The following ZBTB20 variants were observed in gnomAD, a reference collection of about 807,000 sequenced individuals.
The protein encoded by ZBTB20 is zinc finger and BTB domain containing 20.
A neutral mutation model predicts 56.9 loss-of-function variants in ZBTB20; 9 were observed. The ratio of observed to expected loss-of-function variants is 0.16; its 90% CI spans 0.10 to 0.28. ZBTB20 has a LOEUF of 0.28. Ranked by LOEUF, ZBTB20 falls within the 10% of genes least tolerant of loss-of-function variation. The pLI, the probability that ZBTB20 is intolerant of heterozygous loss-of-function variation, is 1.00. For missense variants in ZBTB20, 655 were observed against 1,003.0 expected, an observed-to-expected ratio of 0.65 and a Z score of 4.69; for synonymous variants, 417 against 420.7, an observed-to-expected ratio of 0.99 and a Z score of 0.11.
chr3:114,641,361 CAA>C (rs1464825670), intron 6 of ZBTB20, among the ~76,000 whole-genome samples: 1 of 151,776 alleles, frequency 6.6e-6, no homozygotes, highest in Non-Finnish European at 1.5e-5. Context: ...ACACCAAGGC[CAA>C]AGACTAAAAG....
At chr3:114,810,167 T>G (rs953090434) in intron 4 of ZBTB20, among the ~76,000 whole-genome samples, 2 of 152,210 alleles carry the variant, frequency 1.3e-5, no homozygotes, top group African/African-American at 4.8e-5. Flanking sequence ...TTGTTCTCTC[T>G]TATCTTCTCT....
chr3:114,763,436 C>T (rs979792394), intron 5 of ZBTB20, among the ~76,000 whole-genome samples: 5 of 152,064 alleles, frequency 3.3e-5, no homozygotes, highest in African/African-American at 9.7e-5. Context: ...TATGATACCT[C>T]AATGATATTA....
rs149935750 is a variant in ZBTB20 at position 114,949,968 on chromosome 3, C to T, written c.-456+24398G>A. Among the ~76,000 whole-genome samples, 10 of 152,100 alleles carry T rather than the reference C, an allele frequency of 6.6e-5. No individual in the cohort carries two copies. The East Asian group carries it at 1.9e-3, about 29-fold the overall frequency. On this transcript the variant is annotated intron_variant, in intron 3 of 11. Transcript: ENST00000675478. ...AACATGCACATCACAAAAGAGGATA[C>T]CCAAGTGGAAAATAAACATATGAAA...
chr3:114,951,643 G>A (rs2077070216), intron 3 of ZBTB20, among the ~76,000 whole-genome samples: 1 of 151,940 alleles, frequency 6.6e-6, no homozygotes, highest in African/African-American at 2.4e-5. Context: ...AACCTAACCA[G>A]GTCAATTGCC....
At chr3:114,695,535 T>G (rs1038704820) in intron 5 of ZBTB20, among the ~76,000 whole-genome samples, 1 of 151,996 alleles carries the variant, frequency 6.6e-6, no homozygotes, top group African/African-American at 2.4e-5. Flanking sequence ...AGACTTTTCC[T>G]CTGCTTCTTT....
At chr3:114,639,011 GT>G (rs2059419985) in intron 6 of ZBTB20, among the ~76,000 whole-genome samples, 1 of 151,990 alleles carries the variant, frequency 6.6e-6, no homozygotes, top group Non-Finnish European at 1.5e-5. Flanking sequence ...TGTCCTTTAG[GT>G]TGTATGACTG....
chr3:115,096,209 A>C (rs2083374935), intron 1 of ZBTB20, among the ~76,000 whole-genome samples: 1 of 152,160 alleles, frequency 6.6e-6, no homozygotes, highest in Admixed American at 6.5e-5. Context: ...CACCTGTCCG[A>C]TTGCTAGTGT....
At chr3:114,599,952 C>G (rs1417092072) in intron 6 of ZBTB20, among the ~76,000 whole-genome samples, 1 of 151,780 alleles carries the variant, frequency 6.6e-6, no homozygotes, top group South Asian at 2.1e-4. Context: ...AGAAAGAGAG[C>G]GAGCGAGCAC....
rs1459996747 is a variant in ZBTB20, at chr3:114,325,605, G to C, written c.*13400C>G. 6.6e-6 allele frequency: 1 copy of C among 152,270 alleles called. No individual in the cohort carries two copies. The highest frequency in any genetic ancestry group is 2.4e-5 in the African/African-American group (1 of 41,550). 9.4% of individuals were successfully genotyped at this position (152,270 alleles called of 1,614,324 possible). Reference sequence around the variant, plus strand: ...AATGAGAGATAGGCAAGAACAACAAGGGGTGAGTAGTGCTAACTTTCTCCG... The same window carrying C: ...AATGAGAGATAGGCAAGAACAACAACGGGTGAGTAGTGCTAACTTTCTCCG... On this transcript the variant is annotated 3_prime_UTR_variant, in exon 12 of 12. Transcript: ENST00000675478.
chr3:115,137,487 T>C (rs548253247), intron 1 of ZBTB20, among the ~76,000 whole-genome samples: 1 of 152,200 alleles, frequency 6.6e-6, no homozygotes, highest in Admixed American at 6.5e-5. Context: ...CTGAACTGAT[T>C]TGAGACTACT....
chr3:114,586,449 T>A (rs2055184812), intron 6 of ZBTB20, among the ~76,000 whole-genome samples: 1 of 152,168 alleles, frequency 6.6e-6, no homozygotes, highest in African/African-American at 2.4e-5. Flanking sequence ...AACAAGTAGA[T>A]CCTGAGAAGC....
At chr3:114,809,683 T>C (rs2072371566) in intron 4 of ZBTB20, among the ~76,000 whole-genome samples, 2 of 152,182 alleles carry the variant, frequency 1.3e-5, no homozygotes, top group South Asian at 4.1e-4. Flanking sequence ...TCAACCCAAA[T>C]ATAATTTCTT....
At chr3:114,699,560 G>A (rs927359798) in intron 5 of ZBTB20, among the ~76,000 whole-genome samples, 4 of 151,982 alleles carry the variant, frequency 2.6e-5, no homozygotes, top group South Asian at 4.1e-4. Flanking sequence ...AAATTCCAGC[G>A]AAGATTCAAC....
chr3:115,053,565 T>C (rs1163043403), intron 2 of ZBTB20, among the ~76,000 whole-genome samples: 2 of 152,198 alleles, frequency 1.3e-5, no homozygotes, highest in Non-Finnish European at 2.9e-5. Flanking sequence ...AAAAATTTCT[T>C]TTTTAAATGA....
intron 2 of ZBTB20, among the ~76,000 whole-genome samples, chr3:115,064,443 C>CTTTTTT (rs34098178): frequency 1.8e-3 from 137 of 78,052 alleles, no homozygotes; most frequent in East Asian, 2.5e-3. Flanking sequence ...TCTCATAATT[C>CTTTTTT]TTTTTTTTTT....
intron 2 of ZBTB20, among the ~76,000 whole-genome samples, chr3:115,004,154 C>T (rs537897632): frequency 2.3e-4 from 35 of 151,698 alleles, no homozygotes; most frequent in African/African-American, 7.7e-4. Context: ...TAGATCTGCT[C>T]GTGGTTTCAA....
At chr3:115,066,809 C>T (rs1256162799) in intron 2 of ZBTB20, among the ~76,000 whole-genome samples, 4 of 152,026 alleles carry the variant, frequency 2.6e-5, no homozygotes, top group African/African-American at 9.7e-5. Flanking sequence ...ATTTTCAACA[C>T]CAAATGCCAA....
At chr3:115,121,787 C>A (rs2084188147) in intron 1 of ZBTB20, among the ~76,000 whole-genome samples, 1 of 151,882 alleles carries the variant, frequency 6.6e-6, no homozygotes, top group Non-Finnish European at 1.5e-5. Context: ...CAGTAAGCAC[C>A]TATAGGAAGA....
At position 114,394,734 on chromosome 3, in the gene ZBTB20, T is replaced by C. The variant is rs183669696; in HGVS notation, c.-254-5629A>G. On this transcript the variant is annotated intron_variant, in intron 7 of 11. Transcript: ENST00000675478. ...ACTCTCCTTTCTACTAGGGTTGTTT[T>C]TGAAGGAGCAGTTCAAGCCAAATAA... Among the ~76,000 whole-genome samples, 327 of 152,284 alleles carry C rather than the reference T, an allele frequency of 2.1e-3. 1 individual carries two copies. The highest frequency in any genetic ancestry group is 3.5e-3 in the Non-Finnish European group (241 of 68,026).
Sources: allele counts gnomAD v4.1 joint callset (sites outside exome capture counted in the v4.1 genomes callset), GRCh38; gene constraint gnomAD v4.1.1; transcripts MANE v1.5; gene names NCBI Gene and HGNC (gene_info 2026-07-23, HGNC 2026-07-21).